The following ESD variants were observed in gnomAD, a reference collection of about 807,000 sequenced individuals.
ESD encodes the protein S-formylglutathione hydrolase.
A neutral mutation model predicts 38.1 loss-of-function variants in ESD; 34 were observed. The ratio of observed to expected loss-of-function variants is 0.89; its 90% CI spans 0.68 to 1.19. The LOEUF is 1.19. Ranked by LOEUF, ESD falls within the 50% of genes most tolerant of loss-of-function variation. The pLI is 0.00. For missense variants in ESD, 334 were observed against 327.2 expected (o/e 1.02, Z -0.16); for synonymous variants, 97 against 107.0 (o/e 0.91, Z 0.58).
chr13:46,794,506 T>A (rs1300105077), intron 1 of ESD, among the ~76,000 whole-genome samples: 5 of 152,090 alleles, frequency 3.3e-5, no homozygotes, highest in Non-Finnish European at 7.4e-5. Flanking sequence ...ATTTTTTTTT[T>A]TAATTTTTTG....
At chr13:46,790,008 A>ATATT (rs1555293852) in intron 3 of ESD, among the ~76,000 whole-genome samples, 39 of 136,052 alleles carry the variant, frequency 2.9e-4, no homozygotes, top group African/African-American at 8.1e-4. Context: ...ATATATATAT[A>ATATT]TTTTTTTTTT....
intron 6 of ESD, among the ~76,000 whole-genome samples, chr13:46,782,017 G>C (rs1875019872): frequency 6.6e-6 from 1 of 151,086 alleles, no homozygotes; most frequent in Non-Finnish European, 1.5e-5. Flanking sequence ...TTCTATAAGA[G>C]GAAAAAGTCA....
chr13:46,771,983 A>G (rs888291153), intron 9 of ESD, among the ~76,000 whole-genome samples: 1 of 152,182 alleles, frequency 6.6e-6, no homozygotes, highest in Non-Finnish European at 1.5e-5. Flanking sequence ...TCAATTCACA[A>G]ATGCAGCACA....
rs527326352 is a variant in ESD at position 46,772,833 on chromosome 13, T to C, written c.769-1337A>G. Among the ~76,000 whole-genome samples the C allele has an allele frequency of 4.0e-4, 61 of 152,178 alleles. No homozygotes were observed. The South Asian group carries it at 4.1e-3, about 10-fold the overall frequency. ...CCGACTAGCTGGGACTACAGGTGCA[T>C]GCCACCATGCCCAGCTAATTTTTTG... is the stretch of plus-strand genomic sequence containing the variant. On this transcript the variant is annotated intron_variant, in intron 9 of 9. Coordinates refer to ENST00000378720, the MANE Select transcript of ESD (RefSeq NM_001984.2).
chr13:46,782,763 C>A lies in ESD; in HGVS notation c.285G>T (p.Glu95Asp). The A allele has an allele frequency of 6.2e-7, 1 of 1,612,290 alleles. No homozygotes were observed. The highest frequency in any genetic ancestry group is 8.5e-7 in the Non-Finnish European group (1 of 1,178,808). Residue 95 changes from glutamate to aspartate, a missense_variant, in exon 6 of 10, where the codon GAG becomes GAT. By Grantham distance (45) the Glu-to-Asp change is conservative. Coordinates refer to ENST00000378720, the MANE Select transcript of ESD (RefSeq NM_001984.2). ...PRGCNIKGED[E>D]SWDFGTGAGF... ...CAGCACCAGTGCCAAAGTCCCAGCT[C>A]TCATCTTCACCTTTAATATTGCAGC... is the stretch of plus-strand genomic sequence containing the variant.
chr13:46,794,170 C>T (rs939234400), intron 1 of ESD, among the ~76,000 whole-genome samples: 1 of 148,812 alleles, frequency 6.7e-6, no homozygotes, highest in Non-Finnish European at 1.5e-5. Context: ...AAAACAACAA[C>T]AACAACAACA....
intron 3 of ESD, among the ~76,000 whole-genome samples, chr13:46,789,993 T>C (rs1183493109): frequency 7.4e-6 from 1 of 134,676 alleles, no homozygotes; most frequent in Non-Finnish European, 1.5e-5. Context: ...TTTTTGTACA[T>C]ATATATATAT....
intron 1 of ESD, among the ~76,000 whole-genome samples, chr13:46,794,393 T>G (rs1875506100): frequency 6.6e-6 from 1 of 152,114 alleles, no homozygotes; most frequent in African/African-American, 2.4e-5. Flanking sequence ...GTAGTACAGT[T>G]GCATAATCAT....
intron 8 of ESD, 105 bp from the exon 9 acceptor site, chr13:46,777,728 G>C: frequency 1.2e-6 from 1 of 855,108 alleles, no homozygotes; most frequent in Admixed American, 3.1e-5. Flanking sequence ...CTCTTAGGCT[G>C]ATTAAATCAG....
rs1875113721 is a variant in ESD at position 46,784,274 on chromosome 13, GACA to G, written c.231_233del (p.Val78del). 5.0e-6 allele frequency: 8 copies of G among 1,611,790 alleles called. No homozygotes were observed. The highest frequency in any genetic ancestry group is 6.8e-6 in the Non-Finnish European group (8 of 1,178,780). ...TACGAGGGCTGGTATCTGGAGCAAT[GACA>G]ACAAGACCATGTTCTGAAGCAGACT... is the stretch of plus-strand genomic sequence containing the variant. On this transcript the variant is annotated inframe_deletion, in exon 5 of 10. Coordinates refer to ENST00000378720, the MANE Select transcript of ESD (RefSeq NM_001984.2).
chr13:46,783,093 A>G (rs904754810), intron 5 of ESD, among the ~76,000 whole-genome samples: 5 of 151,962 alleles, frequency 3.3e-5, no homozygotes, highest in Admixed American at 6.6e-5. Context: ...TACTCTGAAC[A>G]TATGTTTCCT....
chr13:46,792,912 TAGAA>T (rs986023159), intron 2 of ESD, among the ~76,000 whole-genome samples: 6 of 151,996 alleles, frequency 3.9e-5, no homozygotes, highest in African/African-American at 1.4e-4. Context: ...TTCTTAAACT[TAGAA>T]AGGACTATAT....
chr13:46,780,944 G>A (rs1311178235), intron 7 of ESD, among the ~76,000 whole-genome samples: 1 of 151,682 alleles, frequency 6.6e-6, no homozygotes, highest in Non-Finnish European at 1.5e-5. Flanking sequence ...CTTGTAACAT[G>A]CTGTTCTGCA....
At chr13:46,777,378 A>T in intron 9 of ESD, 78 bp downstream of exon 9, 1 of 1,155,028 alleles carries the variant, frequency 8.7e-7, no homozygotes, top group Non-Finnish European at 1.2e-6. Context: ...TTCTAAAATA[A>T]AGTTAAGAAA....
At chr13:46,776,736 C>T (rs923645862) in intron 9 of ESD, 1 of 152,062 alleles carries the variant, frequency 6.6e-6, no homozygotes, top group Non-Finnish European at 1.5e-5. Flanking sequence ...ACACATTATC[C>T]TTAAACATGG....
At chr13:46,796,804 G>T (rs1034663882) in intron 1 of ESD, among the ~76,000 whole-genome samples, 8 of 152,216 alleles carry the variant, frequency 5.3e-5, no homozygotes, top group African/African-American at 1.9e-4. Context: ...AAGTCTTTCT[G>T]AACAGGAAAA....
At chr13:46,788,757 A>C (rs1455950135) in intron 3 of ESD, among the ~76,000 whole-genome samples, 1 of 151,768 alleles carries the variant, frequency 6.6e-6, no homozygotes, top group African/African-American at 2.4e-5. Flanking sequence ...GATGTTGCTC[A>C]ATTACCAAAA....
In ESD at chr13:46,780,824, T is replaced by G. The variant is rs1874971794; in HGVS notation, c.501+672A>C. On this transcript the variant is annotated intron_variant, in intron 7 of 9. Coordinates refer to ENST00000378720, the MANE Select transcript of ESD (RefSeq NM_001984.2). ...ACACCTAAAATAATCAAGTTCTTCC[T>G]AAGAGGAGGAAATGAATTAAACCAA... Among the ~76,000 whole-genome samples the G allele has an allele frequency of 1.3e-5, 2 of 151,742 alleles. 1 individual carries two copies. Among genetic ancestry groups the G allele is most frequent in the South Asian group, 4.1e-4 (2 of 4,836 alleles).
intron 9 of ESD, 37 bp downstream of exon 9, chr13:46,777,419 C>T: frequency 1.4e-6 from 2 of 1,463,072 alleles, no homozygotes; most frequent in Non-Finnish European, 1.9e-6. Context: ...TTCATAGTTA[C>T]ATTATCTAGA....
Sources: gnomAD v4.1 joint callset for allele counts (sites outside exome capture counted in the v4.1 genomes callset) on GRCh38, gnomAD v4.1.1 for gene constraint, MANE v1.5 for transcripts, NCBI Gene and HGNC (gene_info 2026-07-23, HGNC 2026-07-21) for gene names.